TG: variants seen among roughly 807,000 people sequenced by gnomAD.
TG encodes the protein thyroid hormones.
Under a neutral mutation model 324.7 loss-of-function variants are expected in TG, and 270 were observed. The observed-to-expected ratio is 0.83, with a 90% CI of 0.75 to 0.92. The LOEUF is 0.92. Ranked by LOEUF, TG falls within the 40% of genes least tolerant of loss-of-function variation. The probability of loss-of-function intolerance (pLI) is 0.00; values close to 1 mark genes in which losing one functional copy is unlikely to be tolerated. For missense variants in TG, 3,591 were observed against 3,456.4 expected (o/e 1.04, Z -0.98); for synonymous variants, 1,401 against 1,327.0 (o/e 1.06, Z -1.21).
At chr8:132,912,086 A>G (rs748184848) in intron 19 of TG, among the ~76,000 whole-genome samples, 15 of 152,234 alleles carry the variant, frequency 9.9e-5, no homozygotes, top group Non-Finnish European at 2.2e-4. Context: ...CTCTTCCACC[A>G]TCCAGTGGCC....
At chr8:133,004,416 G>A (rs1348620653) in intron 35 of TG, among the ~76,000 whole-genome samples, 1 of 152,102 alleles carries the variant, frequency 6.6e-6, no homozygotes, top group African/African-American at 2.4e-5. Flanking sequence ...ACTAAGTTCT[G>A]CACTGTGACC....
intron 18 of TG, among the ~76,000 whole-genome samples, chr8:132,908,900 G>A (rs538930892): frequency 6.6e-6 from 1 of 152,278 alleles, no homozygotes; most frequent in African/African-American, 2.4e-5. Flanking sequence ...TGAGTTCTGG[G>A]GGAGAGGAAC....
In TG at chr8:133,017,861, A is replaced by G. The variant is rs138690529; in HGVS notation, c.6646A>G (p.Ile2216Val). 2.4e-3 allele frequency: 3,809 copies of G among 1,614,152 alleles called. 11 individuals are homozygous for G. Among genetic ancestry groups the G allele is most frequent in the Non-Finnish European group, 2.8e-3 (3,355 of 1,180,040 alleles). The change falls in exon 38 of 48, where the codon ATC becomes GTC. Residue 2216 changes from isoleucine (I) to valine (V), a missense_variant. Ile to Val is a conservative substitution (Grantham distance 29, BLOSUM62 3). Coordinates refer to ENST00000220616, the MANE Select transcript of TG (RefSeq NM_003235.5). The part of the protein sequence containing the change: ...HGRLLGRSQA[I>V]QVGTSWKQVD... Reference sequence around the variant, plus strand: ...CCGGCTGCTGGGCAGGTCCCAGGCCATCCAGGTGGGTACCTCATGGAAGCA... The same window carrying G: ...CCGGCTGCTGGGCAGGTCCCAGGCCGTCCAGGTGGGTACCTCATGGAAGCA...
At chr8:132,986,904 A>C (rs1831627855) in intron 35 of TG, among the ~76,000 whole-genome samples, 1 of 152,184 alleles carries the variant, frequency 6.6e-6, no homozygotes, top group African/African-American at 2.4e-5. Flanking sequence ...ATCACTAAAA[A>C]ATTATTTATT....
chr8:133,029,990 C>T lies in TG; in HGVS notation c.7206C>T (p.Thr2402=). The change falls in exon 41 of 48, where the codon ACC becomes ACT. Residue 2402 remains threonine (T), a synonymous_variant. Transcript: ENST00000220616. ...ASIHLLTARA[T]NSQLFRRAVL... Reference sequence around the variant, plus strand: ...TCCACCTTCTCACGGCCAGGGCCACCAACTCCCAACTTTTCCGGAGAGCTG... The same window carrying T: ...TCCACCTTCTCACGGCCAGGGCCACTAACTCCCAACTTTTCCGGAGAGCTG... The T allele has an allele frequency of 6.2e-7, 1 of 1,614,196 alleles. No homozygotes were observed. Among genetic ancestry groups the T allele is most frequent in the Non-Finnish European group, 8.5e-7 (1 of 1,180,040 alleles).
At chr8:133,123,346 GA>G (rs1409328288) in intron 45 of TG, among the ~76,000 whole-genome samples, 1 of 151,936 alleles carries the variant, frequency 6.6e-6, no homozygotes, top group East Asian at 1.9e-4. Context: ...GCTTCTTTGT[GA>G]CAAAGCTGAT....
chr8:132,912,243 G>A (rs2687828), intron 19 of TG, among the ~76,000 whole-genome samples: 74,104 of 152,068 alleles, frequency 0.49, 21,128 homozygotes, highest in Non-Finnish European at 0.62. Context: ...CAGAAGAATT[G>A]TGAATTCTCC....
chr8:133,018,103 CAATGT>C, intron 38 of TG, 106 bp downstream of exon 38: 1 of 1,079,328 alleles, frequency 9.3e-7, no homozygotes, highest in South Asian at 1.3e-5. Context: ...TTGGATAAAG[CAATGT>C]ATGGAGGATG....
intron 45 of TG, among the ~76,000 whole-genome samples, chr8:133,125,296 C>A (rs539522088): frequency 1.3e-5 from 2 of 152,208 alleles, no homozygotes; most frequent in African/African-American, 4.8e-5. Flanking sequence ...GATAACAGTA[C>A]TAGGAAGGAG....
intron 43 of TG, among the ~76,000 whole-genome samples, chr8:133,106,130 G>T (rs1274309251): frequency 1.3e-5 from 2 of 152,132 alleles, no homozygotes; most frequent in Admixed American, 1.3e-4. Context: ...AAGAGCCAGT[G>T]GGGGGGTTTG....
chr8:132,922,775 C>A (rs1163763772), intron 21 of TG, among the ~76,000 whole-genome samples: 2 of 152,168 alleles, frequency 1.3e-5, no homozygotes, highest in African/African-American at 4.8e-5. Flanking sequence ...AACAAATGAG[C>A]CCCCTTGGGC....
At chr8:132,920,296 T>A (rs1219746793) in intron 21 of TG, among the ~76,000 whole-genome samples, 1 of 152,216 alleles carries the variant, frequency 6.6e-6, no homozygotes, top group East Asian at 1.9e-4. Flanking sequence ...TTCTTGTTAG[T>A]CTGAAACTGT....
At position 133,019,687 on chromosome 8, in the gene TG, C is replaced by T. The variant is rs1048256271; in HGVS notation, c.6868C>T (p.Gln2290Ter). ...TTTGTATCTCAATGTGTTCATCCCT[C>T]AGAATGTGGTGAGTTCAAAAGCACT... The part of the protein sequence containing the change: ...DCLYLNVFIP[Q>*]NVAPNASVLV... The change falls in exon 39 of 48, where the codon CAG becomes TAG. Residue 2290 changes from glutamine to a stop codon, truncating the protein, a stop_gained. Coordinates refer to ENST00000220616, the MANE Select transcript of TG (RefSeq NM_003235.5). LOFTEE classifies it high-confidence loss of function. 3 of 1,612,952 alleles carry T rather than the reference C, an allele frequency of 1.9e-6. No individual in the cohort carries two copies. The highest frequency in any genetic ancestry group is 2.5e-6 in the Non-Finnish European group (3 of 1,179,276).
In TG at chr8:133,046,001, G is replaced by A. The variant is rs146584604; in HGVS notation, c.7239+15978G>A. 9.0e-3 allele frequency among the ~76,000 whole-genome samples: 1,367 copies of A among 152,174 alleles called. 21 individuals are homozygous for A. Among genetic ancestry groups the A allele is most frequent in the African/African-American group, 0.031 (1,278 of 41,508 alleles). On this transcript the variant is annotated intron_variant, in intron 41 of 47. Coordinates refer to ENST00000220616, the MANE Select transcript of TG (RefSeq NM_003235.5). The stretch of plus-strand genomic sequence containing the variant: ...CTGGAGAAGCTGAGTCATCTTTCTG[G>A]GTATCCGTAAGAACCACGTGAAAGG...
chr8:132,903,343 G>T (rs535995889), intron 16 of TG, among the ~76,000 whole-genome samples: 1 of 152,174 alleles, frequency 6.6e-6, no homozygotes, highest in Admixed American at 6.5e-5. Flanking sequence ...TTGGGATTGG[G>T]CTGGAAGTCT....
rs989090635 is a variant in TG at position 132,900,223 on chromosome 8, C to T, written c.3331-14C>T. The T allele has an allele frequency of 6.1e-5, 98 of 1,612,154 alleles. No individual in the cohort carries two copies. Among genetic ancestry groups the T allele is most frequent in the Non-Finnish European group, 7.5e-5 (89 of 1,179,048 alleles). ...TTGCCCACAGTGACTGACATGACCC[C>T]GGCTTTGTCTCAGACAGGAGAGTAT... On this transcript the variant is annotated splice_polypyrimidine_tract_variant and intron_variant, in intron 14 of 47. Transcript: ENST00000220616.
At position 133,067,931 on chromosome 8, in the gene TG, GAAAGAAAGAA is replaced by G. The variant is rs1564145997; in HGVS notation, c.7240-27111_7240-27102del. On this transcript the variant is annotated intron_variant, in intron 41 of 47. Coordinates refer to ENST00000220616, the MANE Select transcript of TG (RefSeq NM_003235.5). Reference sequence around the variant, plus strand: ...GGAAGGAAGGAAAGAGAGAGAGAGAGAAAGAAAGAAAGAGAGAAAGAAAGAAGGAAAAGAA... The same window carrying G: ...GGAAGGAAGGAAAGAGAGAGAGAGAGAGAGAGAAAGAAAGAAGGAAAAGAA... Among the ~76,000 whole-genome samples the G allele has an allele frequency of 4.0e-5, 6 of 148,650 alleles. No individual in the cohort carries two copies. In the East Asian group the frequency reaches 1.2e-3, roughly 29 times the overall value.
chr8:133,024,330 CTTT>C (rs1835837627), intron 40 of TG, among the ~76,000 whole-genome samples: 1 of 102,358 alleles, frequency 9.8e-6, no homozygotes, highest in African/African-American at 4.4e-5. Flanking sequence ...TTCTTTCTTT[CTTT>C]CTTTCTTTCT....
intron 25 of TG, among the ~76,000 whole-genome samples, chr8:132,938,813 G>A (rs1823986260): frequency 6.6e-6 from 1 of 152,196 alleles, no homozygotes; most frequent in South Asian, 2.1e-4. Flanking sequence ...AGCACTTTGG[G>A]AGGCCGAGGC....
Sources: allele counts gnomAD v4.1 joint callset (sites outside exome capture counted in the v4.1 genomes callset), GRCh38; gene constraint gnomAD v4.1.1; transcripts MANE v1.5; gene names NCBI Gene and HGNC (gene_info 2026-07-23, HGNC 2026-07-21).